The following SLC10A7 variants were observed in gnomAD, a reference collection of about 807,000 sequenced individuals.
SLC10A7 encodes solute carrier family 10 member 7.
Under a neutral mutation model 43.2 loss-of-function variants are expected in SLC10A7, and 29 were observed. The observed-to-expected ratio is 0.67, with a 90% CI of 0.50 to 0.92. SLC10A7 has a LOEUF of 0.92. Among genes scored for constraint, SLC10A7 ranks in the 40% least tolerant of loss-of-function variants. The pLI, the probability that SLC10A7 is intolerant of heterozygous loss-of-function variation, is 0.00. For synonymous variants in SLC10A7, 152 were observed against 144.8 expected (o/e 1.05, Z -0.35); for missense variants, 295 against 403.2 (o/e 0.73, Z 2.30).
chr4:146,398,352 T>C (rs1364615052), intron 5 of SLC10A7, among the ~76,000 whole-genome samples: 2 of 152,208 alleles, frequency 1.3e-5, no homozygotes. Context: ...CATTATAGCT[T>C]AAATATTTAG....
chr4:146,349,436 G>A (rs1333089594), intron 5 of SLC10A7, among the ~76,000 whole-genome samples: 1 of 152,206 alleles, frequency 6.6e-6, no homozygotes, highest in African/African-American at 2.4e-5. Flanking sequence ...CAGCCACTGT[G>A]GGAAGCAGTT....
At chr4:146,442,594 T>C (rs1730688621) in intron 5 of SLC10A7, 189 bp downstream of exon 5, 2 of 1,433,838 alleles carry the variant, frequency 1.4e-6, no homozygotes, top group South Asian at 3.0e-5. Context: ...CTCCAAAATA[T>C]ATTGTAAGAG....
intron 5 of SLC10A7, among the ~76,000 whole-genome samples, chr4:146,437,371 T>C (rs1044553849): frequency 6.6e-6 from 1 of 152,072 alleles, no homozygotes; most frequent in African/African-American, 2.4e-5. Flanking sequence ...ATACCCAGGA[T>C]GGGCCATTTA....
At chr4:146,388,178 C>G (rs530218834) in intron 5 of SLC10A7, among the ~76,000 whole-genome samples, 7 of 152,226 alleles carry the variant, frequency 4.6e-5, no homozygotes, top group African/African-American at 1.4e-4. Flanking sequence ...ATTTATATTA[C>G]AAGGCTATAT....
At chr4:146,351,462 C>T (rs1159259887) in intron 5 of SLC10A7, among the ~76,000 whole-genome samples, 1 of 151,610 alleles carries the variant, frequency 6.6e-6, no homozygotes, top group Non-Finnish European at 1.5e-5. Context: ...AAACACTCTG[C>T]AGGATATTAT....
At chr4:146,506,259 C>CA (rs1001366123) in intron 3 of SLC10A7, among the ~76,000 whole-genome samples, 27 of 145,750 alleles carry the variant, frequency 1.9e-4, no homozygotes, top group South Asian at 1.1e-3. Flanking sequence ...GATGCCATCT[C>CA]AAAAAAAAAA....
At chr4:146,316,139 G>A (rs903063658) in intron 6 of SLC10A7, among the ~76,000 whole-genome samples, 10 of 152,058 alleles carry the variant, frequency 6.6e-5, no homozygotes, top group African/African-American at 2.4e-4. Context: ...GCTGGACAAG[G>A]CGTTAATTTA....
intron 6 of SLC10A7, among the ~76,000 whole-genome samples, chr4:146,319,624 C>A (rs763652893): frequency 7.2e-5 from 11 of 152,046 alleles, no homozygotes; most frequent in South Asian, 2.1e-4. Context: ...GTCTGGCATG[C>A]AGAAATAACT....
At chr4:146,343,611 C>T (rs554435168) in intron 5 of SLC10A7, among the ~76,000 whole-genome samples, 12 of 152,098 alleles carry the variant, frequency 7.9e-5, no homozygotes, top group Admixed American at 4.6e-4. Context: ...GAGCATTACT[C>T]GTCCATGATG....
chr4:146,409,626 C>A (rs1000783663), intron 5 of SLC10A7, among the ~76,000 whole-genome samples: 23 of 152,038 alleles, frequency 1.5e-4, no homozygotes, highest in African/African-American at 5.3e-4. Context: ...GTAAATTATA[C>A]CTTAATTTTA....
At chr4:146,459,318 T>C (rs1221739693) in intron 4 of SLC10A7, among the ~76,000 whole-genome samples, 1 of 151,786 alleles carries the variant, frequency 6.6e-6, no homozygotes, top group African/African-American at 2.4e-5. Context: ...GGATTTTTAG[T>C]AGAAATTGAC....
chr4:146,283,076 T>C, intron 10 of SLC10A7, 116 bp downstream of exon 10: 1 of 773,486 alleles, frequency 1.3e-6, no homozygotes, highest in Non-Finnish European at 2.1e-6. Flanking sequence ...GTTCCTTATC[T>C]AATAGTGTGG....
chr4:146,302,388 C>G (rs1024346375), intron 7 of SLC10A7, among the ~76,000 whole-genome samples: 8 of 152,274 alleles, frequency 5.3e-5, no homozygotes, highest in Non-Finnish European at 1.2e-4. Context: ...TACCTATGGT[C>G]TGGGAATGTA....
At chr4:146,488,025 A>G (rs1349213086) in intron 4 of SLC10A7, among the ~76,000 whole-genome samples, 2 of 151,972 alleles carry the variant, frequency 1.3e-5, no homozygotes, top group Admixed American at 6.6e-5. Context: ...TGTCTCTACG[A>G]AAAAAAATTT....
intron 5 of SLC10A7, among the ~76,000 whole-genome samples, chr4:146,384,691 C>T (rs1040562190): frequency 1.5e-4 from 23 of 151,932 alleles, no homozygotes; most frequent in African/African-American, 5.6e-4. Flanking sequence ...GAATATTATA[C>T]TTGATATGAT....
At chr4:146,368,060 T>C (rs1175120239) in intron 5 of SLC10A7, among the ~76,000 whole-genome samples, 4 of 152,192 alleles carry the variant, frequency 2.6e-5, no homozygotes, top group African/African-American at 4.8e-5. Context: ...TCAGCATTCA[T>C]TATAATGCAG....
intron 1 of SLC10A7, among the ~76,000 whole-genome samples, chr4:146,521,187 C>T (rs1017079958): frequency 3.9e-5 from 6 of 151,902 alleles, no homozygotes; most frequent in Non-Finnish European, 5.9e-5. Context: ...CGGAGGTGTC[C>T]CTTTTCTTGT....
chr4:146,494,968 T>C lies in SLC10A7; in HGVS notation c.396+8881A>G, dbSNP rs974065879. Among the ~76,000 whole-genome samples the C allele has an allele frequency of 3.9e-5, 6 of 152,324 alleles. No homozygotes were observed. The South Asian group carries it at 1.0e-3, about 26-fold the overall frequency. On this transcript the variant is annotated intron_variant, in intron 4 of 11. Transcript: ENST00000335472. ...TAAAACAAATACAGTCAACTCTTTC[T>C]ACCTCCTAAGAACTCTCGCCCAATC...
intron 5 of SLC10A7, among the ~76,000 whole-genome samples, chr4:146,399,648 C>T (rs1202276121): frequency 6.6e-6 from 1 of 152,078 alleles, no homozygotes; most frequent in East Asian, 1.9e-4. Context: ...GATCCGATAG[C>T]ATTTTCTGAT....
Sources: gnomAD v4.1 joint callset for allele counts (sites outside exome capture counted in the v4.1 genomes callset) on GRCh38, gnomAD v4.1.1 for gene constraint, MANE v1.5 for transcripts, NCBI Gene and HGNC (gene_info 2026-07-23, HGNC 2026-07-21) for gene names.